TBPL2: variants seen among roughly 807,000 people sequenced by gnomAD.
TBPL2 encodes TATA box-binding protein-like 2.
Under a neutral mutation model 38.2 loss-of-function variants are expected in TBPL2, and 40 were observed. The observed-to-expected ratio is 1.05, with a 90% confidence interval of 0.81 to 1.36. TBPL2 has a LOEUF of 1.36. Ranked by LOEUF, TBPL2 falls within the 40% of genes most tolerant of loss-of-function variation. The pLI is 0.00. For synonymous variants in TBPL2, 169 were observed against 171.7 expected, an observed-to-expected ratio of 0.98 and a Z score of 0.12; for missense variants, 461 against 456.7, an observed-to-expected ratio of 1.01 and a Z score of -0.09.
chr14:55,434,329 G>A (rs908480846), intron 3 of TBPL2, among the ~76,000 whole-genome samples: 5 of 152,160 alleles, frequency 3.3e-5, no homozygotes, highest in African/African-American at 1.2e-4. Context: ...AGCCCTGCAG[G>A]TGAGGCTGAC....
At chr14:55,440,454 C>A (rs8019270) in exon 1 of TBPL2, 1 of 1,612,040 alleles carries the variant, frequency 6.2e-7, no homozygotes, top group African/African-American at 1.3e-5. Flanking sequence ...CTCCATGGAC[C>A]GTAATCCCAC....
At chr14:55,435,924 A>G in exon 3 of TBPL2, 4 of 1,576,028 alleles carry the variant, frequency 2.5e-6, no homozygotes, top group Non-Finnish European at 3.4e-6. Flanking sequence ...TTTACAGTGG[A>G]AACTATATTC....
chr14:55,415,104 C>A (rs1020885590), intron 6 of TBPL2, among the ~76,000 whole-genome samples: 2 of 152,178 alleles, frequency 1.3e-5, no homozygotes, highest in African/African-American at 2.4e-5. Flanking sequence ...CACCAACAAC[C>A]AAACACCACC....
chr14:55,439,150 G>A (rs1274720693), intron 1 of TBPL2, among the ~76,000 whole-genome samples: 3 of 151,914 alleles, frequency 2.0e-5, no homozygotes, highest in Non-Finnish European at 4.4e-5. Context: ...TGTTGGCCAG[G>A]CTGGTCTTGA....
chr14:55,429,333 C>A (rs1885885411), intron 4 of TBPL2, among the ~76,000 whole-genome samples: 1 of 152,238 alleles, frequency 6.6e-6, no homozygotes, highest in Admixed American at 6.5e-5. Flanking sequence ...AATGCAAAGT[C>A]CCAGGTTCCA....
Position 55,432,423 on chromosome 14 carries a change from A to AC in TBPL2, c.788+1206_788+1207insG, listed in dbSNP as rs113966290. 6.4e-4 allele frequency among the ~76,000 whole-genome samples: 98 copies of AC among 151,970 alleles called. 1 individual carries two copies. The highest frequency in any genetic ancestry group is 9.2e-4 in the African/African-American group (38 of 41,446). On this transcript the variant is annotated intron_variant, in intron 4 of 6. Transcript: ENST00000247219. Reference sequence around the variant, plus strand: ...GTGAGACCGTGTCTCAGAAAAAAAAAAACAACAAATAAACAAACAACAAAA... The same window carrying AC: ...GTGAGACCGTGTCTCAGAAAAAAAAACAACAACAAATAAACAAACAACAAAA...
rs138345933 is a variant in TBPL2 at position 55,437,882 on chromosome 14, C to T, written c.151-864G>A. 8.1e-3 allele frequency among the ~76,000 whole-genome samples: 1,236 copies of T among 152,224 alleles called. 9 individuals carry two copies. The highest frequency in any genetic ancestry group is 0.014 in the Admixed American group (213 of 15,296). ...AATGTTCTAGTTAGAAGAATTTACA[C>T]TAGGAAAAAAGTTATTGAAACTTAA... On this transcript the variant is annotated intron_variant, in intron 1 of 6. Coordinates refer to ENST00000247219, the Ensembl canonical transcript of TBPL2.
chr14:55,414,479 T>C, intron 6 of TBPL2, 24 bp from the exon 7 acceptor site: 2 of 1,507,358 alleles, frequency 1.3e-6, no homozygotes, highest in South Asian at 2.5e-5. Flanking sequence ...CAGGTTTATA[T>C]AATTTTTAAT....
At chr14:55,428,628 CTGGGCACATG>C (rs150777878) in intron 5 of TBPL2, among the ~76,000 whole-genome samples, 169 bp downstream of exon 5, 2,788 of 151,856 alleles carry the variant, frequency 0.018, 65 homozygotes, top group African/African-American at 0.053. Flanking sequence ...TTTCAAAAGA[CTGGGCACATG>C]TGGTAACCTA....
chr14:55,439,190 C>T (rs1347375306), intron 1 of TBPL2, among the ~76,000 whole-genome samples: 3 of 150,950 alleles, frequency 2.0e-5, no homozygotes, highest in African/African-American at 4.9e-5. Flanking sequence ...CCACGTGCCT[C>T]GGCCTCCCAA....
intron 4 of TBPL2, among the ~76,000 whole-genome samples, chr14:55,431,514 T>C (rs1885925070): frequency 6.6e-6 from 1 of 152,230 alleles, no homozygotes; most frequent in Non-Finnish European, 1.5e-5. Context: ...ATTGAAACCC[T>C]ATTATTAATT....
rs1403856935 is a variant in TBPL2, at chr14:55,433,810, A to G, written c.697-89T>C. 9.4e-6 allele frequency: 11 copies of G among 1,169,778 alleles called. No individual in the cohort carries two copies. The East Asian group carries it at 9.4e-5, about 10-fold the overall frequency. The allele number at this position is 1,169,778 out of a possible 1,614,324, so 72.5% of individuals were successfully genotyped here. On this transcript the variant is annotated intron_variant, in intron 3 of 6. Coordinates refer to ENST00000247219, the Ensembl canonical transcript of TBPL2. The stretch of plus-strand genomic sequence containing the variant: ...AGCCGAGCTGAATATGAAAATCTCA[A>G]ACAGATTGGATGGGAAAACTAAATG...
chr14:55,440,583 G>T, exon 1 of TBPL2: 2 of 1,550,606 alleles, frequency 1.3e-6, no homozygotes, highest in Non-Finnish European at 8.7e-7. Flanking sequence ...GCGGCCCTCG[G>T]CCCAGGTTCC....
chr14:55,429,854 T>G (rs944607058), intron 4 of TBPL2, among the ~76,000 whole-genome samples: 3 of 149,680 alleles, frequency 2.0e-5, no homozygotes, highest in African/African-American at 7.4e-5. Context: ...GGAGGTAAGA[T>G]ATGTGCTGAT....
At chr14:55,434,769 C>T (rs1386867656) in intron 3 of TBPL2, among the ~76,000 whole-genome samples, 5 of 152,164 alleles carry the variant, frequency 3.3e-5, no homozygotes, top group African/African-American at 1.2e-4. Context: ...ATTCAGATGT[C>T]AGCAACAATA....
chr14:55,414,313 G>C (rs1025846898), exon 7 of TBPL2: 1 of 1,196,488 alleles, frequency 8.4e-7, no homozygotes, highest in African/African-American at 1.5e-5. Flanking sequence ...GAAGAATCCA[G>C]CTGTTTCTGT....
intron 4 of TBPL2, 66 bp from the exon 5 acceptor site, chr14:55,429,040 A>T: frequency 2.5e-6 from 4 of 1,568,728 alleles, no homozygotes; most frequent in Non-Finnish European, 3.5e-6. Flanking sequence ...CTGGTGTTGT[A>T]TTGGATTGTT....
At chr14:55,440,139 A>AACC (rs1164793775) in intron 1 of TBPL2, among the ~76,000 whole-genome samples, 2 of 152,020 alleles carry the variant, frequency 1.3e-5, no homozygotes, top group Non-Finnish European at 1.5e-5. Context: ...AAACCAGAAC[A>AACC]ACCTGGGAAG....
At chr14:55,422,686 T>C (rs1566591157) in intron 6 of TBPL2, among the ~76,000 whole-genome samples, 1 of 152,060 alleles carries the variant, frequency 6.6e-6, no homozygotes, top group African/African-American at 2.4e-5. Context: ...ACCCCATCTC[T>C]TCGAAAAATA....
Sources: gnomAD v4.1 joint callset for allele counts (sites outside exome capture counted in the v4.1 genomes callset) on GRCh38, gnomAD v4.1.1 for gene constraint, MANE v1.5 for transcripts, NCBI Gene and HGNC (gene_info 2026-07-23, HGNC 2026-07-21) for gene names.